Variants in EPB41L2 observed in about 807,000 individuals in gnomAD.
EPB41L2 encodes the protein band 4.1-like protein 2.
In EPB41L2, 43 loss-of-function variants were observed where a neutral mutation model predicts 113.0. The observed-to-expected ratio is 0.38, with a 90% CI of 0.30 to 0.49. The LOEUF (loss-of-function observed/expected upper bound fraction) is 0.49, where lower values mean the gene tolerates loss of function less well. Among genes scored for constraint, EPB41L2 ranks in the 20% least tolerant of loss-of-function variants. The pLI is 0.95. For synonymous variants in EPB41L2, 442 were observed against 436.7 expected, an observed-to-expected ratio of 1.01 and a Z score of -0.15; for missense variants, 1,147 against 1,223.4, an observed-to-expected ratio of 0.94 and a Z score of 0.93.
chr6:130,997,922 A>G (rs1388704210), intron 1 of EPB41L2, among the ~76,000 whole-genome samples: 1 of 152,052 alleles, frequency 6.6e-6, no homozygotes, highest in Admixed American at 6.6e-5. Flanking sequence ...GTTTGCAAAT[A>G]AAATTATAAC....
chr6:130,999,335 T>C (rs1423344016), intron 1 of EPB41L2, among the ~76,000 whole-genome samples: 2 of 152,210 alleles, frequency 1.3e-5, no homozygotes, highest in Non-Finnish European at 2.9e-5. Flanking sequence ...TTCTACTTAA[T>C]ATATGTTGGG....
At chr6:130,929,303 G>A (rs1278593846) in intron 3 of EPB41L2, among the ~76,000 whole-genome samples, 1 of 152,184 alleles carries the variant, frequency 6.6e-6, no homozygotes, top group Non-Finnish European at 1.5e-5. Context: ...ATTTTTTGAG[G>A]TAGAGAAAAC....
intron 19 of EPB41L2, among the ~76,000 whole-genome samples, chr6:130,855,422 A>T (rs1482169945): frequency 6.6e-6 from 1 of 152,194 alleles, no homozygotes; most frequent in East Asian, 1.9e-4. Flanking sequence ...ATCCACATAC[A>T]GCACAGTACA....
intron 1 of EPB41L2, among the ~76,000 whole-genome samples, chr6:130,994,335 C>T (rs1283581811): frequency 3.3e-5 from 5 of 152,180 alleles, no homozygotes; most frequent in African/African-American, 9.7e-5. Context: ...CTTACCTGAT[C>T]ATCTACCCAT....
At chr6:130,994,841 G>A (rs58685490) in intron 1 of EPB41L2, among the ~76,000 whole-genome samples, 1,569 of 152,184 alleles carry the variant, frequency 0.01, 34 homozygotes, top group African/African-American at 0.036. Context: ...AGATAAAAGC[G>A]TATCCGATTG....
At chr6:131,060,563 G>T (rs530747255) in intron 1 of EPB41L2, among the ~76,000 whole-genome samples, 1 of 152,154 alleles carries the variant, frequency 6.6e-6, no homozygotes, top group African/African-American at 2.4e-5. Context: ...ATTTGGAAAG[G>T]GTAAGCCACA....
chr6:130,979,650 G>A (rs1051985384), intron 1 of EPB41L2, among the ~76,000 whole-genome samples: 2 of 152,150 alleles, frequency 1.3e-5, no homozygotes, highest in Admixed American at 6.6e-5. Context: ...GATTGTGGGA[G>A]TAATGAAAAA....
intron 12 of EPB41L2, chr6:130,881,294 C>T (rs1789237558): frequency 1.3e-5 from 2 of 152,244 alleles, no homozygotes; most frequent in African/African-American, 4.8e-5. Context: ...AAACGGCTTA[C>T]CTTTTTAACC....
rs749287074 is a variant in EPB41L2, at chr6:130,870,128, T to C, written c.2044-2A>G. On this transcript the variant is annotated splice_acceptor_variant, in intron 14 of 19. Coordinates refer to ENST00000337057, the MANE Select transcript of EPB41L2 (RefSeq NM_001431.4). LOFTEE classifies it high-confidence loss of function. ...TATATTCAGAGTCTCATGTGAACTCTGTACAAAAAAAGATGGATGAGGGAA... is the reference window on the plus strand; with the variant it reads ...TATATTCAGAGTCTCATGTGAACTCCGTACAAAAAAAGATGGATGAGGGAA... 6.3e-7 allele frequency: 1 copy of C among 1,588,506 alleles called. No homozygotes were observed. Among genetic ancestry groups the C allele is most frequent in the Non-Finnish European group, 8.6e-7 (1 of 1,168,410 alleles).
chr6:130,870,229 C>CA, intron 14 of EPB41L2, 103 bp from the exon 15 acceptor site: 2 of 1,527,772 alleles, frequency 1.3e-6, no homozygotes, highest in Non-Finnish European at 1.8e-6. Flanking sequence ...TGGAGAAAAA[C>CA]AAAGATGATT....
chr6:130,867,919 T>G (rs1163846790), intron 15 of EPB41L2: 1 of 336,914 alleles, frequency 3.0e-6, no homozygotes, highest in African/African-American at 2.2e-5. Context: ...TACTTTTATG[T>G]CAAGCCTAGT....
chr6:130,971,555 G>A (rs1584123632), intron 1 of EPB41L2, among the ~76,000 whole-genome samples: 1 of 152,358 alleles, frequency 6.6e-6, no homozygotes, highest in African/African-American at 2.4e-5. Context: ...ACTGACAAGT[G>A]GCTGCTTCTA....
At chr6:131,040,471 G>T (rs1794248710) in intron 1 of EPB41L2, among the ~76,000 whole-genome samples, 1 of 152,044 alleles carries the variant, frequency 6.6e-6, no homozygotes, top group South Asian at 2.1e-4. Context: ...TTAATTTTAG[G>T]TATGTGTATT....
intron 15 of EPB41L2, chr6:130,867,972 A>ACACACT (rs1480502040): frequency 5.0e-4 from 38 of 75,548 alleles, no homozygotes; most frequent in South Asian, 1.5e-3. Flanking sequence ...ACACACACAC[A>ACACACT]CTCTCTCTCT....
intron 3 of EPB41L2, among the ~76,000 whole-genome samples, chr6:130,929,812 T>C (rs978479808): frequency 3.4e-5 from 5 of 148,072 alleles, no homozygotes; most frequent in South Asian, 2.1e-4. Flanking sequence ...GAATAGCAGA[T>C]AGAATCACGA....
At chr6:130,862,356 T>C (rs1209128906) in intron 18 of EPB41L2, among the ~76,000 whole-genome samples, 1 of 152,170 alleles carries the variant, frequency 6.6e-6, no homozygotes, top group Non-Finnish European at 1.5e-5. Flanking sequence ...CTTTCCACCA[T>C]GCCAAAAAAT....
chr6:130,985,990 CA>C (rs1344639425), intron 1 of EPB41L2, among the ~76,000 whole-genome samples: 1 of 151,912 alleles, frequency 6.6e-6, no homozygotes, highest in Non-Finnish European at 1.5e-5. Context: ...GGGCCTGATA[CA>C]AAAGCCAAAA....
At chr6:130,890,197 G>A (rs748355569) in intron 11 of EPB41L2, 97 bp downstream of exon 11, 1,198 of 1,295,514 alleles carry the variant, frequency 9.2e-4, no homozygotes, top group Non-Finnish European at 1.1e-3. Context: ...TCCCTGTAGG[G>A]TATTTCTGGT....
intron 1 of EPB41L2, among the ~76,000 whole-genome samples, chr6:131,000,992 T>C (rs1784234651): frequency 6.6e-6 from 1 of 151,992 alleles, no homozygotes; most frequent in South Asian, 2.1e-4. Context: ...GCAGCTCCAT[T>C]ATTACTTAAA....
Sources: gnomAD v4.1 joint callset for allele counts (sites outside exome capture counted in the v4.1 genomes callset) on GRCh38, gnomAD v4.1.1 for gene constraint, MANE v1.5 for transcripts, NCBI Gene and HGNC (gene_info 2026-07-23, HGNC 2026-07-21) for gene names.